Variants in PDSS2 observed in about 807,000 individuals in gnomAD.
PDSS2 encodes the protein all trans-polyprenyl-diphosphate synthase PDSS2.
Under a neutral mutation model 44.5 loss-of-function variants are expected in PDSS2, and 31 were observed. That is an observed-to-expected ratio of 0.70 (90% CI 0.52 to 0.94). The LOEUF is 0.94. Ranked by LOEUF, PDSS2 falls within the 40% of genes least tolerant of loss-of-function variation. The probability of loss-of-function intolerance (pLI) is 0.00; values close to 1 mark genes in which losing one functional copy is unlikely to be tolerated. For missense variants in PDSS2, 452 were observed against 482.2 expected, an observed-to-expected ratio of 0.94 and a Z score of 0.59; for synonymous variants, 157 against 180.3, an observed-to-expected ratio of 0.87 and a Z score of 1.03.
intron 2 of PDSS2, among the ~76,000 whole-genome samples, chr6:107,323,765 G>T (rs1777454682): frequency 1.3e-5 from 2 of 152,184 alleles, no homozygotes; most frequent in African/African-American, 4.8e-5. Context: ...TTAGTCACTG[G>T]ACAGTGCCTT....
intron 1 of PDSS2, among the ~76,000 whole-genome samples, chr6:107,378,705 G>A (rs1317456472): frequency 1.3e-5 from 2 of 152,178 alleles, no homozygotes. Context: ...AGAATAGCTT[G>A]AACCTGGGAG....
At chr6:107,371,039 C>T (rs191759756) in intron 1 of PDSS2, among the ~76,000 whole-genome samples, 290 of 152,056 alleles carry the variant, frequency 1.9e-3, no homozygotes, top group African/African-American at 6.2e-3. Context: ...AAAAATTAGC[C>T]GGGCTTGGTG....
At chr6:107,360,560 C>T (rs1015003868) in intron 1 of PDSS2, among the ~76,000 whole-genome samples, 2 of 114,756 alleles carry the variant, frequency 1.7e-5, no homozygotes, top group African/African-American at 6.4e-5. Context: ...AGCCTACAAG[C>T]TCTGCATTAA....
At chr6:107,251,088 T>C (rs973955379) in intron 3 of PDSS2, among the ~76,000 whole-genome samples, 1 of 152,126 alleles carries the variant, frequency 6.6e-6, no homozygotes, top group Non-Finnish European at 1.5e-5. Flanking sequence ...ACCCCTGACC[T>C]TGTGATCTGC....
chr6:107,372,903 T>C (rs1021645262), intron 1 of PDSS2, among the ~76,000 whole-genome samples: 1 of 152,022 alleles, frequency 6.6e-6, no homozygotes, highest in East Asian at 1.9e-4. Context: ...TGTTTCTCAA[T>C]GTATACAGGT....
chr6:107,378,390 A>C (rs1779356085), intron 1 of PDSS2, among the ~76,000 whole-genome samples: 1 of 152,180 alleles, frequency 6.6e-6, no homozygotes, highest in South Asian at 2.1e-4. Context: ...TGTTAAAACC[A>C]ATAAATGAGT....
chr6:107,346,013 G>T (rs770795014), intron 1 of PDSS2, among the ~76,000 whole-genome samples: 8 of 152,142 alleles, frequency 5.3e-5, no homozygotes, highest in African/African-American at 2.4e-5. Flanking sequence ...AGACCTTACA[G>T]ATATTTAAAA....
chr6:107,431,071 A>G (rs970874463), intron 1 of PDSS2, among the ~76,000 whole-genome samples: 8 of 152,168 alleles, frequency 5.3e-5, no homozygotes, highest in Admixed American at 3.9e-4. Flanking sequence ...GCCTCACAAC[A>G]AGATAGGTAT....
chr6:107,234,128 T>C (rs1774147140), intron 4 of PDSS2, among the ~76,000 whole-genome samples: 1 of 152,216 alleles, frequency 6.6e-6, no homozygotes, highest in Non-Finnish European at 1.5e-5. Context: ...CAAAGTCCAA[T>C]TACAGTAAAG....
At chr6:107,335,544 A>G (rs1009025013) in intron 1 of PDSS2, among the ~76,000 whole-genome samples, 4 of 152,218 alleles carry the variant, frequency 2.6e-5, no homozygotes, top group African/African-American at 9.6e-5. Flanking sequence ...CAAACATTAT[A>G]ATTCTAGGCA....
intron 2 of PDSS2, among the ~76,000 whole-genome samples, chr6:107,310,231 G>C (rs1236323931): frequency 2.1e-5 from 3 of 143,048 alleles, no homozygotes; most frequent in Non-Finnish European, 4.5e-5. Context: ...CTTACAGTGA[G>C]CAGAGATCAC....
At chr6:107,182,088 T>C (rs1772004526) in intron 7 of PDSS2, among the ~76,000 whole-genome samples, 1 of 152,088 alleles carries the variant, frequency 6.6e-6, no homozygotes, top group African/African-American at 2.4e-5. Context: ...AATCTAATTT[T>C]AAAATAACAT....
intron 1 of PDSS2, among the ~76,000 whole-genome samples, chr6:107,431,366 C>A (rs746695332): frequency 2.1e-4 from 32 of 152,200 alleles, no homozygotes; most frequent in Admixed American, 5.2e-4. Context: ...TATCCTCCCA[C>A]CTCAGCCTCC....
At chr6:107,239,795 C>G (rs140549466) in intron 4 of PDSS2, among the ~76,000 whole-genome samples, 3,326 of 151,960 alleles carry the variant, frequency 0.022, 186 homozygotes, top group East Asian at 0.19. Flanking sequence ...GTGTGCGCCA[C>G]TATGCCCAGC....
At chr6:107,402,228 C>T (rs1304566833) in intron 1 of PDSS2, among the ~76,000 whole-genome samples, 4 of 149,782 alleles carry the variant, frequency 2.7e-5, no homozygotes, top group East Asian at 2.0e-4. Flanking sequence ...TGCAGTGAGC[C>T]GAGATTGCGC....
chr6:107,289,379 A>AG (rs1776270116), intron 2 of PDSS2, among the ~76,000 whole-genome samples: 1 of 150,050 alleles, frequency 6.7e-6, no homozygotes, highest in Non-Finnish European at 1.5e-5. Context: ...TCTCAAAAAA[A>AG]AAAAAAAGAA....
At chr6:107,423,415 T>C (rs144535527) in intron 1 of PDSS2, among the ~76,000 whole-genome samples, 2 of 152,286 alleles carry the variant, frequency 1.3e-5, no homozygotes, top group Non-Finnish European at 2.9e-5. Context: ...CCTTTTTACA[T>C]TGGTAACTTG....
rs1770811021 is a variant in PDSS2 at position 107,154,430 on chromosome 6, G to C, written c.*189C>G. ...CTGGCGTGACAAGTGAAAACTGCTT[G>C]ACCTTTTTTTCTTCTAATTTTGTTT... On this transcript the variant is annotated 3_prime_UTR_variant, in exon 8 of 8. Transcript: ENST00000369037. 1 of 592,864 alleles carries C rather than the reference G, an allele frequency of 1.7e-6. No individual in the cohort carries two copies. Among genetic ancestry groups the C allele is most frequent in the Non-Finnish European group, 3.0e-6 (1 of 335,742 alleles). The allele number at this position is 592,864 out of a possible 1,614,324, so 36.7% of individuals were successfully genotyped here.
In PDSS2 at chr6:107,361,624, C is replaced by G. The variant is rs561012589; in HGVS notation, c.297-27292G>C. ...ACTACCAATTAAGGCCATCATTACTCAACATAAAACATAGGATCACACATG... is the reference window on the plus strand; with the variant it reads ...ACTACCAATTAAGGCCATCATTACTGAACATAAAACATAGGATCACACATG... On this transcript the variant is annotated intron_variant, in intron 1 of 7. Coordinates refer to ENST00000369037, the MANE Select transcript of PDSS2 (RefSeq NM_020381.4). Among the ~76,000 whole-genome samples the G allele has an allele frequency of 6.6e-5, 10 of 152,272 alleles. No individual in the cohort carries two copies. In the South Asian group the frequency reaches 1.7e-3, roughly 25 times the overall value.
Sources: gnomAD v4.1 joint callset for allele counts (sites outside exome capture counted in the v4.1 genomes callset) on GRCh38, gnomAD v4.1.1 for gene constraint, MANE v1.5 for transcripts, NCBI Gene and HGNC (gene_info 2026-07-23, HGNC 2026-07-21) for gene names.